KALRN: variants seen among roughly 807,000 people sequenced by gnomAD.
The protein encoded by KALRN is kalirin.
In KALRN, 70 loss-of-function variants were observed where a neutral mutation model predicts 353.7. The observed-to-expected ratio is 0.20, with a 90% CI of 0.16 to 0.24. The LOEUF (loss-of-function observed/expected upper bound fraction) is 0.24. Among genes scored for constraint, KALRN ranks in the 10% least tolerant of loss-of-function variants. KALRN has a pLI of 1.00. For missense variants in KALRN, 2,791 were observed against 3,756.7 expected, an observed-to-expected ratio of 0.74 and a Z score of 6.72; for synonymous variants, 1,391 against 1,434.8, an observed-to-expected ratio of 0.97 and a Z score of 0.69.
intron 1 of KALRN, among the ~76,000 whole-genome samples, chr3:124,195,818 G>C (rs554307958): frequency 6.6e-6 from 1 of 152,318 alleles, no homozygotes; most frequent in Non-Finnish European, 1.5e-5. Flanking sequence ...CTACCTGCCA[G>C]AAATCTAATT....
intron 4 of KALRN, chr3:124,268,446 A>G (rs1296030906): frequency 2.6e-6 from 1 of 388,580 alleles, no homozygotes; most frequent in East Asian, 4.7e-5. Flanking sequence ...TTTGAAGTGA[A>G]CTGGGGTCAG....
chr3:124,152,593 CTTTTT>C (rs58613752), intron 1 of KALRN: 17 of 55,024 alleles, frequency 3.1e-4, no homozygotes, highest in Non-Finnish European at 4.3e-4. Flanking sequence ...TTCTTTCTTT[CTTTTT>C]TTTTTTTTTT....
intron 34 of KALRN, among the ~76,000 whole-genome samples, chr3:124,617,598 A>G (rs2078760505): frequency 1.3e-5 from 2 of 152,148 alleles, no homozygotes; most frequent in South Asian, 4.1e-4. Context: ...ATTAGACTAA[A>G]GTGAAGGGTT....
In KALRN at chr3:124,462,453, C is replaced by G. The variant is rs1260946245; in HGVS notation, c.3922-71C>G. On this transcript the variant is annotated intron_variant, in intron 24 of 59. Transcript: ENST00000682506. ...GAGTCTTGCCCCACAAGTTTGAGCA[C>G]CTGTGTATTTTGTCTGTATTTTATA... 7.1e-6 allele frequency: 6 copies of G among 850,822 alleles called. No homozygotes were observed. In the East Asian group the frequency reaches 1.2e-4, roughly 17 times the overall value. The allele number at this position is 850,822 out of a possible 1,614,324, so 52.7% of individuals were successfully genotyped here. A position where few individuals can be genotyped will look rare whatever the true frequency, so the allele number is the denominator to read the frequency against.
At chr3:124,512,005 G>A (rs1402328589) in intron 33 of KALRN, among the ~76,000 whole-genome samples, 6 of 152,330 alleles carry the variant, frequency 3.9e-5, no homozygotes, top group African/African-American at 1.4e-4. Context: ...TGTGTTACCT[G>A]CAGCACACTG....
At chr3:124,546,758 C>T (rs192886362) in intron 33 of KALRN, among the ~76,000 whole-genome samples, 1 of 152,054 alleles carries the variant, frequency 6.6e-6, no homozygotes, top group Non-Finnish European at 1.5e-5. Context: ...TCTAGTGAAG[C>T]CTTTTCAGGG....
chr3:124,693,402 G>A (rs1303768988), intron 51 of KALRN, among the ~76,000 whole-genome samples: 1 of 152,116 alleles, frequency 6.6e-6, no homozygotes. Flanking sequence ...CTATTTTTGA[G>A]TTTATGATGC....
chr3:124,570,727 C>T (rs1021748), intron 34 of KALRN, among the ~76,000 whole-genome samples: 57,017 of 152,008 alleles, frequency 0.38, 11,315 homozygotes, highest in African/African-American at 0.51. Context: ...TTTTCAGAAT[C>T]ATAAAAAGTT....
chr3:124,519,135 T>C (rs924349333), intron 33 of KALRN: 10 of 985,440 alleles, frequency 1.0e-5, no homozygotes, highest in Non-Finnish European at 1.1e-5. Flanking sequence ...TCCCGAGGTC[T>C]CTGGTTCAAA....
intron 1 of KALRN, among the ~76,000 whole-genome samples, chr3:124,078,671 G>A (rs2060384015): frequency 6.6e-6 from 1 of 152,188 alleles, no homozygotes; most frequent in South Asian, 2.1e-4. Flanking sequence ...TTCCACCTGA[G>A]ACTAGAAAGA....
intron 57 of KALRN, among the ~76,000 whole-genome samples, chr3:124,706,473 G>A (rs1455996905): frequency 6.6e-6 from 1 of 152,218 alleles, no homozygotes; most frequent in African/African-American, 2.4e-5. Context: ...TGATTGTGGA[G>A]CTTTCCCAAC....
chr3:124,407,018 G>A (rs1399518683), intron 13 of KALRN, among the ~76,000 whole-genome samples: 1 of 151,846 alleles, frequency 6.6e-6, no homozygotes, highest in Non-Finnish European at 1.5e-5. Context: ...ATTTTTAGTA[G>A]AGATGGGGTT....
In KALRN at chr3:124,316,246, TG is replaced by T. The variant is rs561212383; in HGVS notation, c.1093-9733del. ...TGACATCAGCTCCTGCCTGGACTGCTGTAGTAGCTCCTACCTGGTCTCTCTG... is the reference window on the plus strand; with the variant it reads ...TGACATCAGCTCCTGCCTGGACTGCTTAGTAGCTCCTACCTGGTCTCTCTG... On this transcript the variant is annotated intron_variant, in intron 6 of 59. Transcript: ENST00000682506. Among the ~76,000 whole-genome samples the T allele has an allele frequency of 3.0e-3, 452 of 152,330 alleles. 2 individuals carry two copies. Among genetic ancestry groups the T allele is most frequent in the Non-Finnish European group, 5.9e-3 (400 of 68,020 alleles).
chr3:124,324,070 C>T (rs2079624487), intron 6 of KALRN, among the ~76,000 whole-genome samples: 1 of 152,176 alleles, frequency 6.6e-6, no homozygotes, highest in Admixed American at 6.5e-5. Context: ...GATTCCTCAC[C>T]CCTCAGTGGG....
At chr3:124,582,296 C>T (rs2074707883) in intron 34 of KALRN, among the ~76,000 whole-genome samples, 2 of 152,164 alleles carry the variant, frequency 1.3e-5, no homozygotes, top group African/African-American at 4.8e-5. Context: ...GCTGGGATTA[C>T]AAGCGTGAGC....
chr3:124,107,220 A>T (rs1051275085), intron 1 of KALRN, among the ~76,000 whole-genome samples: 7 of 152,204 alleles, frequency 4.6e-5, no homozygotes, highest in African/African-American at 1.7e-4. Context: ...GTACAGGGCT[A>T]GGGGTGGAGG....
At chr3:124,354,656 A>G (rs1254349402) in intron 10 of KALRN, among the ~76,000 whole-genome samples, 5 of 152,244 alleles carry the variant, frequency 3.3e-5, no homozygotes, top group African/African-American at 1.2e-4. Flanking sequence ...AGGCTTCTTT[A>G]TAAATAAACC....
intron 3 of KALRN, among the ~76,000 whole-genome samples, chr3:124,251,355 C>CTTTTTTTTTT (rs57628448): frequency 3.1e-4 from 41 of 133,602 alleles, no homozygotes; most frequent in Non-Finnish European, 4.9e-4. Flanking sequence ...CAAGTCTTTG[C>CTTTTTTTTTT]TTTTTTTTTT....
intron 9 of KALRN, among the ~76,000 whole-genome samples, chr3:124,335,429 A>G (rs140921777): frequency 6.9e-4 from 105 of 152,224 alleles, no homozygotes; most frequent in African/African-American, 2.5e-3. Context: ...AGAAATGGTT[A>G]TGTTTCTGAC....
Sources: gnomAD v4.1 joint callset for allele counts (sites outside exome capture counted in the v4.1 genomes callset) on GRCh38, gnomAD v4.1.1 for gene constraint, MANE v1.5 for transcripts, NCBI Gene and HGNC (gene_info 2026-07-23, HGNC 2026-07-21) for gene names.